Variants in SNX5 observed in about 807,000 individuals in gnomAD.
SNX5 encodes the protein sorting nexin-5.
SNX5 carries 31 observed loss-of-function variants against 53.9 expected under a neutral mutation model. The ratio of observed to expected loss-of-function variants is 0.58; its 90% CI spans 0.43 to 0.78. The LOEUF (loss-of-function observed/expected upper bound fraction) is 0.78, where lower values mean the gene tolerates loss of function less well. Among genes scored for constraint, SNX5 ranks in the 30% least tolerant of loss-of-function variants. The pLI, the probability that SNX5 is intolerant of heterozygous loss-of-function variation, is 0.00. For missense variants in SNX5, 471 were observed against 478.8 expected (o/e 0.98, Z 0.15); for synonymous variants, 168 against 171.1 (o/e 0.98, Z 0.14).
At chr20:17,950,619 A>AGAAT (rs2039553714) in intron 6 of SNX5, among the ~76,000 whole-genome samples, 3 of 152,250 alleles carry the variant, frequency 2.0e-5, no homozygotes, top group Non-Finnish European at 4.4e-5. Context: ...GAATCACTTA[A>AGAAT]CAACCACCAG....
chr20:17,951,485 C>T lies in SNX5; in HGVS notation c.609+15G>A, dbSNP rs748114942. On this transcript the variant is annotated intron_variant, in intron 6 of 12. Transcript: ENST00000377759. The stretch of plus-strand genomic sequence containing the variant: ...TGAAGTAAAAAATTTTCTCCAACAG[C>T]CAAAGGTCACTTACCTTAACTCCAG... The T allele has an allele frequency of 1.3e-6, 2 of 1,579,592 alleles. No individual in the cohort carries two copies. The highest frequency in any genetic ancestry group is 4.5e-5 in the East Asian group (2 of 44,672).
At chr20:17,967,948 T>C (rs1004281985) in intron 1 of SNX5, 8 of 397,362 alleles carry the variant, frequency 2.0e-5, no homozygotes, top group Non-Finnish European at 3.5e-5. Flanking sequence ...CCCAAAAAAG[T>C]CTTCTCAGTA....
intron 1 of SNX5, among the ~76,000 whole-genome samples, chr20:17,967,470 C>G (rs899586987): frequency 1.3e-5 from 2 of 152,154 alleles, no homozygotes; most frequent in East Asian, 3.9e-4. Flanking sequence ...ACTAGATGAA[C>G]AAGTTTCTCT....
At chr20:17,946,701 A>G (rs2039492384) in intron 11 of SNX5, among the ~76,000 whole-genome samples, 1 of 152,238 alleles carries the variant, frequency 6.6e-6, no homozygotes, top group Non-Finnish European at 1.5e-5. Flanking sequence ...TTTAGGCAAG[A>G]ATCATTAATA....
chr20:17,954,376 A>G, intron 3 of SNX5: 1 of 382,608 alleles, frequency 2.6e-6, no homozygotes. Context: ...TGTTCAGAGC[A>G]CAACAGTGTC....
At chr20:17,966,598 G>C (rs962451684) in intron 1 of SNX5, among the ~76,000 whole-genome samples, 1 of 152,112 alleles carries the variant, frequency 6.6e-6, no homozygotes, top group African/African-American at 2.4e-5. Flanking sequence ...ATGAGTATTG[G>C]GCTAGAATTC....
At chr20:17,951,920 T>C (rs73264176) in intron 5 of SNX5, among the ~76,000 whole-genome samples, 1,893 of 152,122 alleles carry the variant, frequency 0.012, 39 homozygotes, top group African/African-American at 0.043. Context: ...AAAAGAAAAA[T>C]AGCATAAAAG....
chr20:17,957,063 T>C lies in SNX5; in HGVS notation c.52-26A>G, dbSNP rs2122393971. The C allele has an allele frequency of 3.0e-6, 4 of 1,321,510 alleles. No individual in the cohort carries two copies. The East Asian group carries it at 6.9e-5, about 23-fold the overall frequency. 81.9% of individuals were successfully genotyped at this position (1,321,510 alleles called of 1,614,324 possible). ...CTGAAATACATTTTTTGCGTATTAG[T>C]TTCAAACTCATTTGGCCCTAAAAAA... On this transcript the variant is annotated intron_variant, in intron 1 of 12. Coordinates refer to ENST00000377759, the MANE Select transcript of SNX5 (RefSeq NM_014426.4).
chr20:17,962,396 G>C (rs1047016096), intron 1 of SNX5, among the ~76,000 whole-genome samples: 3 of 149,712 alleles, frequency 2.0e-5, no homozygotes, highest in African/African-American at 7.3e-5. Flanking sequence ...GTAGAGACAG[G>C]GTTTCACCAT....
intron 12 of SNX5, chr20:17,942,811 A>G: frequency 2.6e-6 from 1 of 379,564 alleles, no homozygotes; most frequent in Non-Finnish European, 4.7e-6. Context: ...TAATCCCAGC[A>G]CTTTGGGAGG....
At chr20:17,944,548 T>C (rs1486568487) in intron 11 of SNX5, 1 of 152,068 alleles carries the variant, frequency 6.6e-6, no homozygotes, top group African/African-American at 2.4e-5. Context: ...TCTACTCCTT[T>C]TTCTTTTTTT....
chr20:17,942,530 C>T, intron 12 of SNX5, 123 bp from the exon 13 acceptor site: 4 of 743,192 alleles, frequency 5.4e-6, no homozygotes, highest in Non-Finnish European at 7.3e-6. Flanking sequence ...GCAAGCTGGC[C>T]CTTCTCTTCA....
intron 5 of SNX5, among the ~76,000 whole-genome samples, chr20:17,951,850 C>T (rs1429436753): frequency 6.6e-6 from 1 of 152,200 alleles, no homozygotes; most frequent in Admixed American, 6.5e-5. Context: ...GCTCTGAAAT[C>T]CTTGGGAAAA....
intron 1 of SNX5, chr20:17,961,938 C>G (rs1600353018): frequency 1.0e-6 from 1 of 978,578 alleles, no homozygotes; most frequent in Non-Finnish European, 1.2e-6. Flanking sequence ...CAAAGATGTT[C>G]TGTCACACTC....
chr20:17,955,530 G>A (rs1292663053), intron 2 of SNX5, 55 bp from the exon 3 acceptor site: 5 of 1,220,140 alleles, frequency 4.1e-6, no homozygotes, highest in Non-Finnish European at 3.6e-6. Flanking sequence ...TAAGTGATCT[G>A]GGTTTCCTAG....
In SNX5 at chr20:17,968,774, G is replaced by C. The variant is rs1371359219; in HGVS notation, c.-349C>G. 1.8e-5 allele frequency: 6 copies of C among 327,174 alleles called. No individual in the cohort carries two copies. Among genetic ancestry groups the C allele is most frequent in the Admixed American group, 5.1e-5 (1 of 19,564 alleles). The allele number at this position is 327,174 out of a possible 1,614,324, so 20.3% of individuals were successfully genotyped here. On this transcript the variant is annotated 5_prime_UTR_variant, in exon 1 of 13. Coordinates refer to ENST00000377759, the MANE Select transcript of SNX5 (RefSeq NM_014426.4). ...ACGGGAAGCAACGGACACTCTCCCA[G>C]CAAGACGCGTCTAGAGAAAGACCGC...
At chr20:17,962,356 C>G (rs1165656979) in intron 1 of SNX5, among the ~76,000 whole-genome samples, 1 of 152,000 alleles carries the variant, frequency 6.6e-6, no homozygotes, top group African/African-American at 2.4e-5. Flanking sequence ...AGGCGCCCAC[C>G]ACCCCACCCA....
chr20:17,960,639 T>C lies in SNX5; in HGVS notation c.52-3602A>G, dbSNP rs906691628. ...AAAACACACACAAATTAGCCTGGCA[T>C]GGTGGCGTGCGCCTGTAATCCCAGC... On this transcript the variant is annotated intron_variant, in intron 1 of 12. Transcript: ENST00000377759. Among the ~76,000 whole-genome samples, 10 of 151,720 alleles carry C rather than the reference T, an allele frequency of 6.6e-5. No homozygotes were observed. The South Asian group carries it at 1.7e-3, about 25-fold the overall frequency.
chr20:17,962,080 C>T (rs1158183997), intron 1 of SNX5: 1 of 706,930 alleles, frequency 1.4e-6, no homozygotes, highest in Non-Finnish European at 1.7e-6. Context: ...TTACTATTCT[C>T]TGCCATCCTG....
Sources: gnomAD v4.1 joint callset for allele counts (sites outside exome capture counted in the v4.1 genomes callset) on GRCh38, gnomAD v4.1.1 for gene constraint, MANE v1.5 for transcripts, NCBI Gene and HGNC (gene_info 2026-07-23, HGNC 2026-07-21) for gene names.